MAP4: variants seen among roughly 807,000 people sequenced by gnomAD.
The protein encoded by MAP4 is microtubule-associated protein 4.
In MAP4, 76 loss-of-function variants were observed where a neutral mutation model predicts 170.2. The ratio of observed to expected loss-of-function variants is 0.45; its 90% CI spans 0.37 to 0.54. MAP4 has a LOEUF of 0.54. MAP4 is among the 20% of genes least tolerant of loss of function. The pLI, the probability that MAP4 is intolerant of heterozygous loss-of-function variation, is 0.00. For synonymous variants in MAP4, 909 were observed against 994.5 expected, an observed-to-expected ratio of 0.91 and a Z score of 1.62; for missense variants, 2,506 against 2,748.0, an observed-to-expected ratio of 0.91 and a Z score of 1.97.
chr3:47,894,250 A>AG (rs2100025604), intron 10 of MAP4, among the ~76,000 whole-genome samples: 1 of 152,238 alleles, frequency 6.6e-6, no homozygotes, highest in Admixed American at 6.5e-5. Flanking sequence ...AACAAAATGA[A>AG]GAATGCCAGG....
chr3:48,016,778 A>ATTT (rs35747048), upstream of MAP4, among the ~76,000 whole-genome samples: 439 of 146,438 alleles, frequency 3.0e-3, 3 homozygotes, highest in Admixed American at 6.2e-3. Flanking sequence ...TTCTAAAGGC[A>ATTT]TTTTTTTTTT....
At chr3:47,937,971 C>A (rs971217884) in intron 3 of MAP4, among the ~76,000 whole-genome samples, 1 of 150,880 alleles carries the variant, frequency 6.6e-6, no homozygotes, top group Non-Finnish European at 1.5e-5. Flanking sequence ...CATTTTTCTT[C>A]TTTTATTATT....
At position 47,855,066 on chromosome 3, in the gene MAP4, T is replaced by C. The variant is rs2052583896; in HGVS notation, c.6696+182A>G. On this transcript the variant is annotated intron_variant, in intron 19 of 20. Coordinates refer to ENST00000683076, the MANE Select transcript of MAP4 (RefSeq NM_001385682.1). This position sits in a 1 kb window ranked among gnomAD's most constrained non-coding sequence, Gnocchi z 5.1. ...TGAGGGGTGGCTGGGCTGGGGCCTC[T>C]TCACTTCTGCCTCAGTCAGGACTGA... 5.4e-6 allele frequency: 3 copies of C among 556,560 alleles called. No homozygotes were observed. Among genetic ancestry groups the C allele is most frequent in the Admixed American group, 3.0e-5 (1 of 33,682 alleles). The allele number at this position is 556,560 out of a possible 1,614,324, so 34.5% of individuals were successfully genotyped here. A position where few individuals can be genotyped will look rare whatever the true frequency, so the allele number is the denominator to read the frequency against.
At chr3:47,968,000 C>G (rs2100076136) in intron 3 of MAP4, among the ~76,000 whole-genome samples, 1 of 152,166 alleles carries the variant, frequency 6.6e-6, no homozygotes, top group South Asian at 2.1e-4. Flanking sequence ...ACCGACATTT[C>G]AACTGCTGCT....
chr3:48,004,215 G>A (rs1405085284), intron 1 of MAP4, among the ~76,000 whole-genome samples: 1 of 152,148 alleles, frequency 6.6e-6, no homozygotes, highest in Non-Finnish European at 1.5e-5. Flanking sequence ...GGGGTTTCTG[G>A]AGTTGGCTGC....
At chr3:48,080,960 T>C (rs963506936) in intron 1 of MAP4, among the ~76,000 whole-genome samples, 2 of 152,140 alleles carry the variant, frequency 1.3e-5, no homozygotes, top group Non-Finnish European at 2.9e-5. Flanking sequence ...CCGTCTCTAC[T>C]AAAAATACAA....
At chr3:47,894,683 T>C (rs1436236498) in intron 10 of MAP4, among the ~76,000 whole-genome samples, 3 of 152,094 alleles carry the variant, frequency 2.0e-5, no homozygotes, top group African/African-American at 7.2e-5. Flanking sequence ...TTTATACATA[T>C]AATTGAATAA....
intron 3 of MAP4, chr3:47,973,066 C>T: frequency 3.0e-6 from 3 of 984,518 alleles, no homozygotes; most frequent in Non-Finnish European, 3.6e-6. Context: ...TGACCCCAAC[C>T]AAATCCAGTC....
intron 3 of MAP4, among the ~76,000 whole-genome samples, chr3:47,955,448 AC>A (rs1394369053): frequency 8.1e-5 from 12 of 147,664 alleles, no homozygotes; most frequent in East Asian, 5.9e-4. Flanking sequence ...ACACACACAC[AC>A]ACACACACAC....
intron 1 of MAP4, among the ~76,000 whole-genome samples, chr3:48,014,533 C>T (rs2100106833): frequency 6.6e-6 from 1 of 152,122 alleles, no homozygotes; most frequent in Admixed American, 6.5e-5. Flanking sequence ...GTGGCACATG[C>T]CTGTAGTCCC....
upstream of MAP4, among the ~76,000 whole-genome samples, chr3:48,018,924 G>A (rs996576390): frequency 2.6e-5 from 4 of 152,150 alleles, no homozygotes; most frequent in Non-Finnish European, 4.4e-5. Context: ...GTAACCGTAC[G>A]AACCAGCTCT....
intron 1 of MAP4, among the ~76,000 whole-genome samples, chr3:48,035,942 C>T (rs139122945): frequency 1.3e-5 from 2 of 151,748 alleles, no homozygotes; most frequent in Non-Finnish European, 2.9e-5. Flanking sequence ...TCCATCCCCC[C>T]CTCTCAAAAA....
At chr3:48,062,048 C>T (rs765019665) in intron 1 of MAP4, among the ~76,000 whole-genome samples, 7 of 152,110 alleles carry the variant, frequency 4.6e-5, no homozygotes, top group Non-Finnish European at 1.0e-4. Context: ...GCGGTTTTGT[C>T]GAGTAGAAAG....
chr3:47,883,161 A>G (rs1249764275), intron 10 of MAP4, among the ~76,000 whole-genome samples: 1 of 152,122 alleles, frequency 6.6e-6, no homozygotes, highest in Non-Finnish European at 1.5e-5. Flanking sequence ...ACTACATCAG[A>G]TGGCATTACA....
chr3:48,040,826 G>T (rs1048724800), intron 1 of MAP4, among the ~76,000 whole-genome samples: 20 of 152,150 alleles, frequency 1.3e-4, no homozygotes, highest in Non-Finnish European at 2.6e-4. Flanking sequence ...CTCCCAAAGT[G>T]CTGGGATTAA....
chr3:47,932,716 T>C (rs958695394), intron 3 of MAP4, among the ~76,000 whole-genome samples: 2 of 152,208 alleles, frequency 1.3e-5, no homozygotes, highest in South Asian at 2.1e-4. Context: ...CATTTGTATG[T>C]TTTCTTTGGA....
In MAP4 at chr3:47,909,843, A is replaced by C; in HGVS notation, c.4578T>G (p.Ser1526=). The C allele has an allele frequency of 6.2e-7, 1 of 1,614,014 alleles. No homozygotes were observed. The change falls in exon 9 of 21, where the codon TCT becomes TCG. Residue 1526 remains serine (S), a synonymous_variant. Coordinates refer to ENST00000683076, the MANE Select transcript of MAP4 (RefSeq NM_001385682.1). ...IETVNIHGDH[S]LKNKAELADS... is the part of the protein sequence containing the mutation. ...CAGCAAGCTCAGCTTTATTCTTAAG[A>C]GAGTGATCTCCATGAATGTTAACTG...
intron 17 of MAP4, among the ~76,000 whole-genome samples, chr3:47,858,918 G>T (rs1202688920): frequency 6.6e-6 from 1 of 152,128 alleles, no homozygotes; most frequent in Admixed American, 6.5e-5. Context: ...CACGAGGTCA[G>T]GAGATCGAGA....
intron 1 of MAP4, among the ~76,000 whole-genome samples, chr3:48,070,857 AG>A (rs2100140636): frequency 6.7e-6 from 1 of 149,828 alleles, no homozygotes; most frequent in South Asian, 2.1e-4. Flanking sequence ...AAAAAAAAAA[AG>A]CAAAAACTTA....
Sources: gnomAD v4.1 joint callset for allele counts (sites outside exome capture counted in the v4.1 genomes callset) on GRCh38, gnomAD v4.1.1 for gene constraint, Gnocchi (gnomAD v3.1) non-coding constraint, MANE v1.5 for transcripts, NCBI Gene and HGNC (gene_info 2026-07-23, HGNC 2026-07-21) for gene names.